The following KLRC2 variants were observed in gnomAD, a reference collection of about 807,000 sequenced individuals.
KLRC2 encodes killer cell lectin like receptor C2.
Under a neutral mutation model 25.5 loss-of-function variants are expected in KLRC2, and 10 were observed. The ratio of observed to expected loss-of-function variants is 0.39; its 90% CI spans 0.24 to 0.67. The LOEUF (loss-of-function observed/expected upper bound fraction) is 0.67. Ranked by LOEUF, KLRC2 falls within the 30% of genes least tolerant of loss-of-function variation. KLRC2 has a pLI of 0.45. For missense variants in KLRC2, 170 were observed against 272.8 expected, an observed-to-expected ratio of 0.62 and a Z score of 2.65; for synonymous variants, 48 against 93.3, an observed-to-expected ratio of 0.51 and a Z score of 2.80.
At position 10,431,412 on chromosome 12, in the gene KLRC2, A is replaced by G. The variant is rs1317094473; in HGVS notation, c.585-184T>C. On this transcript the variant is annotated intron_variant, in intron 5 of 5. Coordinates refer to ENST00000381902, the MANE Select transcript of KLRC2 (RefSeq NM_002260.4). Reference sequence around the variant, plus strand: ...TAGTCCCTCTTCATCCACGAGGGATATGTTTCAAGACCCCAGTGGATGCCT... The same window carrying G: ...TAGTCCCTCTTCATCCACGAGGGATGTGTTTCAAGACCCCAGTGGATGCCT... 6 of 688,532 alleles carry G rather than the reference A, an allele frequency of 8.7e-6. 1 individual carries two copies. Among genetic ancestry groups the G allele is most frequent in the East Asian group, 3.7e-5 (1 of 27,276 alleles). 42.7% of individuals were successfully genotyped at this position (688,532 alleles called of 1,614,324 possible). A position where few individuals can be genotyped will look rare whatever the true frequency, so the allele number is the denominator to read the frequency against.
In KLRC2 at chr12:10,431,198, G is replaced by C. The variant is rs1457073901; in HGVS notation, c.615C>G (p.Asn205Lys). 3 of 1,548,424 alleles carry C rather than the reference G, an allele frequency of 1.9e-6. No homozygotes were observed. In the Admixed American group the frequency reaches 5.1e-5, roughly 26 times the overall value. ...GTCGATTTACTTGTAGCACTGCACA[G>C]TTAAGTTCAGCATTATCTGAGTCTT... is the stretch of plus-strand genomic sequence containing the variant. ...KIKDSDNAEL[N>K]CAVLQVNRLK... Residue 205 changes from asparagine to lysine, a missense_variant, in exon 6 of 6, where the codon AAC becomes AAG. Around this residue, in one of 3 missense-constraint regions of KLRC2, gnomAD observed 129 missense variants for 150.2 expected, o/e 0.86. Transcript: ENST00000381902.
Position 10,435,396 on chromosome 12 carries a change from G to C in KLRC2, c.202C>G (p.Pro68Ala), listed in dbSNP as rs1333091071. Residue 68 changes from proline to alanine, a missense_variant, in exon 2 of 6, where the codon CCA (proline) becomes GCA (alanine). Pro to Ala is a conservative substitution (Grantham distance 27). Coordinates refer to ENST00000381902, the MANE Select transcript of KLRC2 (RefSeq NM_002260.4). ...AGGACCTCGGCAGTGAGCTTCTCTG[G>C]AGGTGGCAGTAAACCTGCAGGGAGA... ...IYDCQGLLPP[P>A]EKLTAEVLGI... The C allele has an allele frequency of 1.2e-6, 2 of 1,613,064 alleles. No homozygotes were observed. The highest frequency in any genetic ancestry group is 2.2e-5 in the South Asian group (2 of 91,062).
intron 4 of KLRC2, among the ~76,000 whole-genome samples, chr12:10,433,400 C>A (rs2137873798): frequency 7.1e-6 from 1 of 141,344 alleles, no homozygotes; most frequent in African/African-American, 2.7e-5. Context: ...GGAGAGGAGT[C>A]AGGATAAGTG....
Position 10,435,838 on chromosome 12 carries a change from A to G in KLRC2, c.149T>C (p.Leu50Pro), listed in dbSNP as rs752694717. ...TATTTTATCAATCCCTTGATGATTC[A>G]GGGAAGGATTTTGAAGATTTAATTC... The part of the protein sequence containing the change: ...QVELNLQNPS[L>P]NHQGIDKIYD... The change falls in exon 1 of 6, where the codon CTG (leucine) becomes CCG (proline). Residue 50 changes from leucine (L) to proline (P), a missense_variant. By Grantham distance (98) the Leu-to-Pro change is moderately conservative (BLOSUM62 -3). This residue lies in a region of KLRC2 where 37 missense variants were observed against 68.0 expected (regional missense o/e 0.54). Coordinates refer to ENST00000381902, the MANE Select transcript of KLRC2 (RefSeq NM_002260.4). 6.1e-5 allele frequency: 95 copies of G among 1,549,626 alleles called. 10 individuals carry two copies. The highest frequency in any genetic ancestry group is 7.2e-5 in the Non-Finnish European group (82 of 1,135,540).
intron 4 of KLRC2, among the ~76,000 whole-genome samples, chr12:10,432,597 G>T (rs1863827026): frequency 7.2e-6 from 1 of 139,110 alleles, no homozygotes; most frequent in South Asian, 2.3e-4. Flanking sequence ...GGAAGCTACA[G>T]ATTGGGTTTT....
chr12:10,431,587 C>A (rs1157960112), intron 5 of KLRC2, among the ~76,000 whole-genome samples: 2 of 141,572 alleles, frequency 1.4e-5, no homozygotes, highest in Non-Finnish European at 3.1e-5. Flanking sequence ...GCCAACAGCA[C>A]TATTATTGTG....
chr12:10,430,998 T>G lies in KLRC2; in HGVS notation c.*119A>C. On this transcript the variant is annotated 3_prime_UTR_variant, in exon 6 of 6. Coordinates refer to ENST00000381902, the MANE Select transcript of KLRC2 (RefSeq NM_002260.4). ...GTGCATCCTATTTCAATAATTGATT[T>G]AGAATTTTTGTATCAGAGCAAATAA... 1 of 1,178,638 alleles carries G rather than the reference T, an allele frequency of 8.5e-7. No individual in the cohort carries two copies. The highest frequency in any genetic ancestry group is 1.7e-5 in the South Asian group (1 of 59,506). 73.0% of individuals were successfully genotyped at this position (1,178,638 alleles called of 1,614,324 possible).
In KLRC2 at chr12:10,430,876, T is replaced by A; in HGVS notation, c.*241A>T. 1 of 821,912 alleles carries A rather than the reference T, an allele frequency of 1.2e-6. No individual in the cohort carries two copies. Among genetic ancestry groups the A allele is most frequent in the Non-Finnish European group, 1.6e-6 (1 of 616,264 alleles). 50.9% of individuals were successfully genotyped at this position (821,912 alleles called of 1,614,324 possible). ...GGTACTTCCTATAAGCTGACTCACA[T>A]AACATGCAACTTTTAGAAAGGCTGA... On this transcript the variant is annotated 3_prime_UTR_variant, in exon 6 of 6. Transcript: ENST00000381902.
intron 5 of KLRC2, 46 bp from the exon 6 acceptor site, chr12:10,431,274 ATTCATGAG>A: frequency 6.6e-7 from 1 of 1,511,704 alleles, no homozygotes; most frequent in East Asian, 2.5e-5. Flanking sequence ...TAAGCAAATG[ATTCATGAG>A]ACGAAAGCAT....
intron 2 of KLRC2, chr12:10,434,918 G>T: frequency 2.3e-6 from 1 of 432,424 alleles, no homozygotes; most frequent in Non-Finnish European, 4.0e-6. Flanking sequence ...TATTTATGTT[G>T]TGAAAAATTC....
rs1156372899 is a variant in KLRC2, at chr12:10,434,060, G to T, written c.332-118C>A. 3.7e-6 allele frequency: 5 copies of T among 1,368,838 alleles called. No individual in the cohort carries two copies. The African/African-American group carries it at 4.8e-5, about 13-fold the overall frequency. 84.8% of individuals were successfully genotyped at this position (1,368,838 alleles called of 1,614,324 possible). A position where few individuals can be genotyped will look rare whatever the true frequency, so the allele number is the denominator to read the frequency against. On this transcript the variant is annotated intron_variant, in intron 3 of 5. Coordinates refer to ENST00000381902, the MANE Select transcript of KLRC2 (RefSeq NM_002260.4). ...TTAACATATTTACGCATCCTTACAG[G>T]CTTATAAATGTATATTTTTAATAAC...
chr12:10,431,135 A>G lies in KLRC2; in HGVS notation c.678T>C (p.His226=). 1 of 1,536,458 alleles carries G rather than the reference A, an allele frequency of 6.5e-7. No individual in the cohort carries two copies. The highest frequency in any genetic ancestry group is 2.4e-5 in the East Asian group (1 of 41,980). Residue 226 remains histidine (H), a synonymous_variant, in exon 6 of 6, where the codon CAT becomes CAC. Transcript: ENST00000381902. ...TTTACTTCTAAAGCTTATGCTTACA[A>G]TGATATATCATTGAAGATCCACACT... ...SAQCGSSMIY[H]CKHKL
rs776630894 is a variant in KLRC2 at position 10,431,137 on chromosome 12, G to T, written c.676C>A (p.His226Asn). Reference protein sequence around the residue: ...SAQCGSSMIYHCKHKL With the variant: ...SAQCGSSMIYNCKHKL ...TACTTCTAAAGCTTATGCTTACAATGATATATCATTGAAGATCCACACTGG... is the reference window on the plus strand; with the variant it reads ...TACTTCTAAAGCTTATGCTTACAATTATATATCATTGAAGATCCACACTGG... The change falls in exon 6 of 6, where the codon CAT becomes AAT. Residue 226 changes from histidine (H) to asparagine (N), a missense_variant. This residue lies in a region of KLRC2 where 129 missense variants were observed against 150.2 expected (regional missense o/e 0.86). Transcript: ENST00000381902. 1.8e-5 allele frequency: 28 copies of T among 1,536,178 alleles called. 9 individuals carry two copies. The highest frequency in any genetic ancestry group is 8.9e-7 in the Non-Finnish European group (1 of 1,123,904).
Position 10,432,130 on chromosome 12 carries a change from A to G in KLRC2, c.560T>C (p.Ile187Thr). The change falls in exon 5 of 6, where the codon ATA (isoleucine) becomes ACA (threonine). Residue 187 changes from isoleucine (I) to threonine (T), a missense_variant. By Grantham distance (89) the Ile-to-Thr change is moderately conservative (BLOSUM62 -1). Around this residue, in one of 3 missense-constraint regions of KLRC2, gnomAD observed 129 missense variants for 150.2 expected, o/e 0.86. Coordinates refer to ENST00000381902, the MANE Select transcript of KLRC2 (RefSeq NM_002260.4). ...RNSSHHPWVT[I>T]NGLAFKHKIK... ...CTTATGTTTGAAAGCCAAACCATTT[A>G]TTGTCACCCATGGATGATGACTGCT... is the stretch of plus-strand genomic sequence containing the variant. 3.9e-6 allele frequency: 6 copies of G among 1,532,300 alleles called. 1 individual carries two copies. The highest frequency in any genetic ancestry group is 5.3e-6 in the Non-Finnish European group (6 of 1,125,350). The allele number at this position is 1,532,300 out of a possible 1,614,324, so 94.9% of individuals were successfully genotyped here.
Position 10,431,060 on chromosome 12 carries a change from T to A in KLRC2, c.*57A>T. 1 of 1,260,558 alleles carries A rather than the reference T, an allele frequency of 7.9e-7. No homozygotes were observed. The highest frequency in any genetic ancestry group is 1.1e-6 in the Non-Finnish European group (1 of 909,040). 78.1% of individuals were successfully genotyped at this position (1,260,558 alleles called of 1,614,324 possible). A position where few individuals can be genotyped will look rare whatever the true frequency, so the allele number is the denominator to read the frequency against. The stretch of plus-strand genomic sequence containing the variant: ...TTCAGATTTATGCAATCATAATATT[T>A]CTATTTTAAGAAATATAAAATGTAT... On this transcript the variant is annotated 3_prime_UTR_variant, in exon 6 of 6. Transcript: ENST00000381902.
Position 10,433,789 on chromosome 12 carries a change from A to G in KLRC2, c.483+2T>C. ...AAAATGTTTGAAACATTTACATCTT[A>G]CCATTTCTTCTTCATTATCTATAGA... On this transcript the variant is annotated splice_donor_variant, in intron 4 of 5. Transcript: ENST00000381902. LOFTEE classifies it high-confidence loss of function. 2 of 1,547,912 alleles carry G rather than the reference A, an allele frequency of 1.3e-6. No homozygotes were observed. The highest frequency in any genetic ancestry group is 2.4e-5 in the East Asian group (1 of 42,078).
In KLRC2 at chr12:10,434,932, A is replaced by G; in HGVS notation, c.286+380T>C. 3 of 519,496 alleles carry G rather than the reference A, an allele frequency of 5.8e-6. 1 individual carries two copies. The Admixed American group carries it at 1.0e-4, about 18-fold the overall frequency. 32.2% of individuals were successfully genotyped at this position (519,496 alleles called of 1,614,324 possible). A position where few individuals can be genotyped will look rare whatever the true frequency, so the allele number is the denominator to read the frequency against. ...TTATTTATGTTGTGAAAAATTCAGA[A>G]TAACCATATTACTTTTGGTTCCAAA... On this transcript the variant is annotated intron_variant, in intron 2 of 5. Coordinates refer to ENST00000381902, the MANE Select transcript of KLRC2 (RefSeq NM_002260.4).
intron 5 of KLRC2, 195 bp from the exon 6 acceptor site, chr12:10,431,423 C>A (rs138230681): frequency 1.6e-6 from 1 of 609,416 alleles, no homozygotes; most frequent in East Asian, 3.8e-5. Flanking sequence ...TGTTTCAAGA[C>A]CCCAGTGGAT....
chr12:10,433,922 G>A lies in KLRC2; in HGVS notation c.352C>T (p.Pro118Ser), dbSNP rs1863842163. ...TQKARHCGHC[P>S]EEWITYSNSC... The stretch of plus-strand genomic sequence containing the variant: ...TTGGAATATGTAATCCACTCCTCAG[G>A]ACAATGGCCACAATGACGTGCTAAT... The change falls in exon 4 of 6, where the codon CCT (proline) becomes TCT (serine). Residue 118 changes from proline to serine, a missense_variant. By Grantham distance (74) the Pro-to-Ser change is moderately conservative. Transcript: ENST00000381902. 2 of 1,548,364 alleles carry A rather than the reference G, an allele frequency of 1.3e-6. No individual in the cohort carries two copies. Among genetic ancestry groups the A allele is most frequent in the African/African-American group, 1.5e-5 (1 of 68,152 alleles).
Sources: allele counts gnomAD v4.1 joint callset (sites outside exome capture counted in the v4.1 genomes callset), GRCh38; gene constraint gnomAD v4.1.1; regional missense constraint gnomAD v4.1.1; transcripts MANE v1.5; gene names NCBI Gene and HGNC (gene_info 2026-07-23, HGNC 2026-07-21).